F13A1: variants seen among roughly 807,000 people sequenced by gnomAD.
The protein encoded by F13A1 is FSF, A subunit.
F13A1 carries 47 observed loss-of-function variants against 80.1 expected under a neutral mutation model. The ratio of observed to expected loss-of-function variants is 0.59; its 90% CI spans 0.46 to 0.75. The LOEUF is 0.75. F13A1 is among the 30% of genes least tolerant of loss of function. The probability of loss-of-function intolerance (pLI) is 0.00; values close to 1 mark genes in which losing one functional copy is unlikely to be tolerated. For missense variants in F13A1, 817 were observed against 930.4 expected (o/e 0.88, Z 1.59); for synonymous variants, 349 against 344.9 (o/e 1.01, Z -0.13).
At position 6,303,485 on chromosome 6, in the gene F13A1, GGATT is replaced by G. The variant is rs1162069280; in HGVS notation, c.319+1862_319+1865del. 3.9e-5 allele frequency among the ~76,000 whole-genome samples: 6 copies of G among 152,084 alleles called. No homozygotes were observed. In the East Asian group the frequency reaches 1.2e-3, roughly 29 times the overall value. ...ATGTTTTGATCAAAATATACATTGT[GGATT>G]GATTAATTCAAGCTAATTAACATAT... On this transcript the variant is annotated intron_variant, in intron 3 of 14. Coordinates refer to ENST00000264870, the MANE Select transcript of F13A1 (RefSeq NM_000129.4).
intron 8 of F13A1, among the ~76,000 whole-genome samples, chr6:6,206,958 T>A (rs1448315678): frequency 6.6e-6 from 1 of 150,916 alleles, no homozygotes; most frequent in Non-Finnish European, 1.5e-5. Flanking sequence ...ACCTCCAGAG[T>A]GGCAGAGTAA....
intron 8 of F13A1, among the ~76,000 whole-genome samples, chr6:6,219,925 C>A (rs980582047): frequency 6.6e-6 from 1 of 152,172 alleles, no homozygotes. Flanking sequence ...TAGCAGCTAA[C>A]GTTCATTAGG....
intron 6 of F13A1, among the ~76,000 whole-genome samples, chr6:6,228,979 C>A (rs987034564): frequency 3.3e-5 from 5 of 152,086 alleles, no homozygotes; most frequent in African/African-American, 1.2e-4. Flanking sequence ...AGACCCTAAG[C>A]ATGATACCAA....
chr6:6,160,838 G>T (rs1193491847), intron 13 of F13A1, among the ~76,000 whole-genome samples: 1 of 148,016 alleles, frequency 6.8e-6, no homozygotes, highest in Non-Finnish European at 1.5e-5. Flanking sequence ...ACAGTCAATT[G>T]TCCTCATTTT....
At chr6:6,300,870 G>C (rs1359394054) in intron 3 of F13A1, among the ~76,000 whole-genome samples, 4 of 151,274 alleles carry the variant, frequency 2.6e-5, no homozygotes, top group Non-Finnish European at 1.5e-5. Flanking sequence ...AATAGTAAAT[G>C]ATATCTCAAA....
At chr6:6,289,975 G>T (rs1054133381) in intron 3 of F13A1, among the ~76,000 whole-genome samples, 6 of 152,142 alleles carry the variant, frequency 3.9e-5, no homozygotes, top group Non-Finnish European at 8.8e-5. Context: ...TTGTTCAAAA[G>T]GTTGGCATTG....
At chr6:6,180,850 T>C (rs1437379672) in intron 11 of F13A1, among the ~76,000 whole-genome samples, 1 of 152,242 alleles carries the variant, frequency 6.6e-6, no homozygotes, top group Non-Finnish European at 1.5e-5. Context: ...GCAGGGAGAC[T>C]GTCTAAACTA....
intron 9 of F13A1, 40 bp downstream of exon 9, chr6:6,197,183 A>G: frequency 2.5e-6 from 4 of 1,582,710 alleles, no homozygotes; most frequent in Non-Finnish European, 3.5e-6. Context: ...AACAAAGATC[A>G]GCAATGAAGC....
At chr6:6,256,227 G>A (rs1757700358) in intron 4 of F13A1, among the ~76,000 whole-genome samples, 1 of 152,220 alleles carries the variant, frequency 6.6e-6, no homozygotes, top group Non-Finnish European at 1.5e-5. Flanking sequence ...GAAGGTAGAC[G>A]TGTATGAGGC....
Position 6,213,405 on chromosome 6 carries a change from C to T in F13A1, c.1112+8628G>A, listed in dbSNP as rs943857405. On this transcript the variant is annotated intron_variant, in intron 8 of 14. Coordinates refer to ENST00000264870, the MANE Select transcript of F13A1 (RefSeq NM_000129.4). ...TTCTTAAAGAAAGAATTTTCAACCC[C>T]GAATTTCATATCCAGCCAAACTAAG... Among the ~76,000 whole-genome samples, 50 of 151,862 alleles carry T rather than the reference C, an allele frequency of 3.3e-4. No homozygotes were observed. The South Asian group carries it at 7.6e-3, about 23-fold the overall frequency.
At chr6:6,209,560 A>G (rs967999400) in intron 8 of F13A1, among the ~76,000 whole-genome samples, 4 of 152,218 alleles carry the variant, frequency 2.6e-5, no homozygotes, top group African/African-American at 9.6e-5. Context: ...AATGTTCATT[A>G]CAACATTATT....
At position 6,147,442 on chromosome 6, in the gene F13A1, CTT is replaced by C. The variant is rs1293757924; in HGVS notation, c.2046-1672_2046-1671del. Among the ~76,000 whole-genome samples, 5 of 152,268 alleles carry C rather than the reference CTT, an allele frequency of 3.3e-5. No homozygotes were observed. In the East Asian group the frequency reaches 5.8e-4, roughly 18 times the overall value. On this transcript the variant is annotated intron_variant, in intron 14 of 14. Transcript: ENST00000264870. Reference sequence around the variant, plus strand: ...GTGTTCATGGAGGATTCATTGAACTCTTTGCAAGATAATTTAGGAAAGTTTCT... The same window carrying C: ...GTGTTCATGGAGGATTCATTGAACTCTGCAAGATAATTTAGGAAAGTTTCT...
intron 3 of F13A1, among the ~76,000 whole-genome samples, chr6:6,288,907 T>G (rs1419098949): frequency 6.6e-6 from 1 of 152,222 alleles, no homozygotes; most frequent in African/African-American, 2.4e-5. Context: ...ATTAGAGGTG[T>G]TGAGCATTCT....
At chr6:6,217,485 A>C (rs910201075) in intron 8 of F13A1, among the ~76,000 whole-genome samples, 7 of 139,018 alleles carry the variant, frequency 5.0e-5, no homozygotes, top group Admixed American at 2.5e-4. Context: ...CAATGAGAAC[A>C]TATGGACACA....
chr6:6,213,109 G>T (rs897258801), intron 8 of F13A1, among the ~76,000 whole-genome samples: 1 of 152,194 alleles, frequency 6.6e-6, no homozygotes, highest in African/African-American at 2.4e-5. Context: ...CACTCTGCAG[G>T]ATACTATCCA....
intron 6 of F13A1, among the ~76,000 whole-genome samples, chr6:6,225,304 T>C (rs1561660721): frequency 6.6e-6 from 1 of 152,164 alleles, no homozygotes; most frequent in Non-Finnish European, 1.5e-5. Context: ...AGTGGTCTAA[T>C]GGATTTTGAC....
chr6:6,178,784 C>T (rs1450329889), intron 11 of F13A1, among the ~76,000 whole-genome samples: 1 of 152,142 alleles, frequency 6.6e-6, no homozygotes, highest in Non-Finnish European at 1.5e-5. Flanking sequence ...GAGAAAGTAA[C>T]ATTGTAGAAA....
intron 3 of F13A1, among the ~76,000 whole-genome samples, chr6:6,289,357 A>T (rs1373329722): frequency 6.6e-6 from 1 of 152,130 alleles, no homozygotes; most frequent in Non-Finnish European, 1.5e-5. Context: ...AGGGCCAGCC[A>T]CTGGGGCATA....
intron 8 of F13A1, among the ~76,000 whole-genome samples, chr6:6,202,040 T>C (rs983191018): frequency 1.3e-5 from 2 of 152,222 alleles, no homozygotes; most frequent in African/African-American, 4.8e-5. Flanking sequence ...TCAAATCACA[T>C]TGCAGGATAA....
Sources: allele counts gnomAD v4.1 joint callset (sites outside exome capture counted in the v4.1 genomes callset), GRCh38; gene constraint gnomAD v4.1.1; transcripts MANE v1.5; gene names NCBI Gene and HGNC (gene_info 2026-07-23, HGNC 2026-07-21).